The following IL1RAPL2 variants were observed in gnomAD, a reference collection of about 807,000 sequenced individuals.
IL1RAPL2 encodes interleukin 1 receptor accessory protein like 2.
In IL1RAPL2, 3 loss-of-function variants were observed where a neutral mutation model predicts 44.1. That is an observed-to-expected ratio of 0.07 (90% CI 0.03 to 0.18). IL1RAPL2 has a LOEUF of 0.18. Among genes scored for constraint, IL1RAPL2 ranks in the 10% least tolerant of loss-of-function variants. The pLI, the probability that IL1RAPL2 is intolerant of heterozygous loss-of-function variation, is 1.00. For missense variants in IL1RAPL2, 391 were observed against 496.4 expected (o/e 0.79, Z 2.02); for synonymous variants, 181 against 178.8 (o/e 1.01, Z -0.10).
At chrX:105,704,566 A>G (rs1474183024) in intron 6 of IL1RAPL2, among the ~76,000 whole-genome samples, 3 of 111,651 alleles carry the variant, frequency 2.7e-5, no homozygotes, top group Non-Finnish European at 5.7e-5. Context: ...TGTCTATGCT[A>G]TTTTGTCCCT....
chrX:104,906,327 A>G (rs1409038071), intron 2 of IL1RAPL2, among the ~76,000 whole-genome samples: 2 of 110,223 alleles, frequency 1.8e-5, no homozygotes, highest in Non-Finnish European at 3.8e-5. Flanking sequence ...CCTGGCCAGA[A>G]CTTCCAACAC....
intron 2 of IL1RAPL2, among the ~76,000 whole-genome samples, chrX:104,908,442 C>T (rs896691373): frequency 2.3e-4 from 26 of 111,280 alleles, no homozygotes; most frequent in East Asian, 1.1e-3. Flanking sequence ...TGGCTGGTAC[C>T]GGTTGTTCCT....
rs766615732 is a variant in IL1RAPL2, at chrX:105,755,341, A to G, written c.1357A>G (p.Ser453Gly). The G allele has an allele frequency of 1.7e-6, 2 of 1,180,722 alleles. No homozygotes were observed. Among genetic ancestry groups the G allele is most frequent in the Admixed American group, 2.3e-5 (1 of 43,865 alleles). The change falls in exon 10 of 11, where the codon AGT becomes GGT. Residue 453 changes from serine to glycine, a missense_variant. This residue lies in a region of IL1RAPL2 where 232 missense variants were observed against 244.8 expected (regional missense o/e 0.95). Coordinates refer to ENST00000372582, the MANE Select transcript of IL1RAPL2 (RefSeq NM_017416.2). ...LFIPERDLIP[S>G]GTYMEDLTRY... ...CATCCCAGAAAGAGACCTGATTCCA[A>G]GTGGAAGTAAGTACTTTCAAATTTT... is the stretch of plus-strand genomic sequence containing the variant.
chrX:105,705,327 C>A (rs372842624), intron 6 of IL1RAPL2, among the ~76,000 whole-genome samples: 1 of 111,248 alleles, frequency 9.0e-6, no homozygotes, highest in Non-Finnish European at 1.9e-5. Context: ...ACAGAAAAAT[C>A]GCAGTTACTC....
At chrX:104,679,324 G>A (rs16985102) in intron 2 of IL1RAPL2, among the ~76,000 whole-genome samples, 6,056 of 111,300 alleles carry the variant, frequency 0.054, 436 homozygotes, top group African/African-American at 0.19. Flanking sequence ...AACACCCTTA[G>A]GGGCCTTAAC....
intron 2 of IL1RAPL2, among the ~76,000 whole-genome samples, chrX:104,981,998 G>A (rs1424650829): frequency 1.8e-5 from 2 of 110,096 alleles, no homozygotes; most frequent in African/African-American, 6.6e-5. Context: ...GAGGGTGGAG[G>A]GTGGGAGGAT....
chrX:104,732,204 C>T (rs1299866340), intron 2 of IL1RAPL2, among the ~76,000 whole-genome samples: 1 of 111,150 alleles, frequency 9.0e-6, no homozygotes, highest in African/African-American at 3.3e-5. Flanking sequence ...GGAGAACTAA[C>T]AGAAGCTGTG....
intron 2 of IL1RAPL2, among the ~76,000 whole-genome samples, chrX:105,136,681 G>A: frequency 8.9e-6 from 1 of 112,262 alleles, no homozygotes. Flanking sequence ...TTGACAGGAG[G>A]TTGTAACAAC....
Position 105,241,211 on chromosome X carries a change from A to C in IL1RAPL2, c.543+7207A>C, listed in dbSNP as rs782523346. 2.7e-5 allele frequency among the ~76,000 whole-genome samples: 3 copies of C among 111,671 alleles called. No individual in the cohort carries two copies. In the South Asian group the frequency reaches 1.1e-3, roughly 43 times the overall value. On this transcript the variant is annotated intron_variant, in intron 4 of 10. Transcript: ENST00000372582. ...AAAGAGACTTAATTTCGAAATTGGA[A>C]TTTGACTTGGGGAAGCCTGTCAAAT...
intron 2 of IL1RAPL2, among the ~76,000 whole-genome samples, chrX:104,893,173 G>T (rs1028233302): frequency 1.8e-5 from 2 of 111,771 alleles, no homozygotes; most frequent in Non-Finnish European, 3.8e-5. Flanking sequence ...TATAATTTCT[G>T]TTCTTTTACA....
intron 2 of IL1RAPL2, among the ~76,000 whole-genome samples, chrX:105,172,433 A>C (rs916476446): frequency 1.8e-5 from 2 of 111,944 alleles, no homozygotes; most frequent in Admixed American, 9.4e-5. Context: ...CAGCTCTTAC[A>C]TAGGGCTTCT....
chrX:105,598,303 T>C (rs2147821205), intron 6 of IL1RAPL2, among the ~76,000 whole-genome samples: 1 of 109,425 alleles, frequency 9.1e-6, no homozygotes, highest in African/African-American at 3.3e-5. Flanking sequence ...GGTCACTAGA[T>C]GGAAGTGGGG....
At chrX:105,341,008 A>G (rs925392680) in intron 5 of IL1RAPL2, among the ~76,000 whole-genome samples, 4 of 102,186 alleles carry the variant, frequency 3.9e-5, no homozygotes, top group African/African-American at 1.8e-4. Flanking sequence ...TTAACTATAT[A>G]TATCTATTAA....
At chrX:105,095,582 A>G (rs1292406793) in intron 2 of IL1RAPL2, among the ~76,000 whole-genome samples, 1 of 112,030 alleles carries the variant, frequency 8.9e-6, no homozygotes, top group African/African-American at 3.2e-5. Context: ...GGATGCCAAA[A>G]GCATTCAATG....
chrX:105,228,739 T>C (rs1233057982), intron 3 of IL1RAPL2, among the ~76,000 whole-genome samples: 3 of 112,219 alleles, frequency 2.7e-5, no homozygotes, highest in African/African-American at 6.5e-5. Flanking sequence ...ACAAGTTAGT[T>C]TGACTGTTGA....
intron 2 of IL1RAPL2, among the ~76,000 whole-genome samples, chrX:104,980,666 A>G (rs1359388193): frequency 8.9e-6 from 1 of 112,201 alleles, no homozygotes; most frequent in Non-Finnish European, 1.9e-5. Flanking sequence ...TTCATTCTCT[A>G]TATGTTTGTT....
chrX:105,487,431 A>C (rs767707765), intron 6 of IL1RAPL2, among the ~76,000 whole-genome samples: 18 of 112,041 alleles, frequency 1.6e-4, no homozygotes, highest in Non-Finnish European at 3.2e-4. Context: ...TTTACTTCCA[A>C]TTTACATTAG....
chrX:104,923,277 T>G (rs1045340352), intron 2 of IL1RAPL2, among the ~76,000 whole-genome samples: 5 of 112,050 alleles, frequency 4.5e-5, no homozygotes, highest in South Asian at 3.7e-4. Flanking sequence ...TTCCTAGAGA[T>G]GCAAACACCC....
chrX:105,447,389 A>T (rs1311858587), intron 5 of IL1RAPL2, among the ~76,000 whole-genome samples: 2 of 70,037 alleles, frequency 2.9e-5, no homozygotes, highest in African/African-American at 1.2e-4. Flanking sequence ...ATATATAAAT[A>T]TAAATATATA....
Sources: gnomAD v4.1 joint callset for allele counts (sites outside exome capture counted in the v4.1 genomes callset) on GRCh38, gnomAD v4.1.1 for gene constraint, gnomAD v4.1.1 regional missense constraint, MANE v1.5 for transcripts, NCBI Gene and HGNC (gene_info 2026-07-23, HGNC 2026-07-21) for gene names.